The following HHIPL1 variants were observed in gnomAD, a reference collection of about 807,000 sequenced individuals.
HHIPL1 encodes the protein HHIP-like protein 1.
HHIPL1 carries 43 observed loss-of-function variants against 61.8 expected under a neutral mutation model. The observed-to-expected ratio is 0.70, with a 90% CI of 0.55 to 0.90. HHIPL1 has a LOEUF of 0.90. HHIPL1 is among the 40% of genes least tolerant of loss of function. The probability of loss-of-function intolerance (pLI) is 0.00; values close to 1 mark genes in which losing one functional copy is unlikely to be tolerated. For missense variants in HHIPL1, 1,056 were observed against 1,157.7 expected, an observed-to-expected ratio of 0.91 and a Z score of 1.28; for synonymous variants, 482 against 515.8, an observed-to-expected ratio of 0.93 and a Z score of 0.89.
Position 99,660,127 on chromosome 14 carries a change from ACGC to A in HHIPL1, c.1376-151_1376-149del. On this transcript the variant is annotated intron_variant, in intron 4 of 8. Coordinates refer to ENST00000330710, the MANE Select transcript of HHIPL1 (RefSeq NM_001127258.3). This position sits in a 1 kb window ranked among gnomAD's most constrained non-coding sequence, Gnocchi z 4.9. ...CACCCCTGCAGACACGCTTTCCACC[ACGC>A]CAGCCCTGCTGTGGGCACGCCAGCC... Among the ~76,000 whole-genome samples the A allele has an allele frequency of 1.0e-5, 1 of 98,786 alleles. No homozygotes were observed. The highest frequency in any genetic ancestry group is 3.5e-5 in the African/African-American group (1 of 28,768). The allele number at this position is 98,786 out of a possible 152,430, so 64.8% of individuals were successfully genotyped here. A position where few individuals can be genotyped will look rare whatever the true frequency, so the allele number is the denominator to read the frequency against.
In HHIPL1 at chr14:99,680,384, T is replaced by G. The variant is rs1164968676; in HGVS notation, c.*4758T>G. The stretch of plus-strand genomic sequence containing the variant: ...GGTTGCTGGGTCCTGTCTCTCAGAG[T>G]TTTTGACTCAGTCTTGGTTGAGAAT... On this transcript the variant is annotated 3_prime_UTR_variant, in exon 9 of 9. Transcript: ENST00000330710. 6.6e-6 allele frequency: 1 copy of G among 152,182 alleles called. No homozygotes were observed. The highest frequency in any genetic ancestry group is 1.5e-5 in the Non-Finnish European group (1 of 68,048). 9.4% of individuals were successfully genotyped at this position (152,182 alleles called of 1,614,324 possible). A position where few individuals can be genotyped will look rare whatever the true frequency, so the allele number is the denominator to read the frequency against.
At chr14:99,655,415 A>G (rs773803804) in intron 2 of HHIPL1, among the ~76,000 whole-genome samples, 4 of 152,152 alleles carry the variant, frequency 2.6e-5, no homozygotes, top group Non-Finnish European at 4.4e-5. Flanking sequence ...TGAGGACAGG[A>G]GTTCGAGACC....
the HHIPL1 span, among the ~76,000 whole-genome samples, chr14:99,636,480 A>G: frequency 1.3e-5 from 2 of 152,142 alleles, no homozygotes; most frequent in Non-Finnish European, 2.9e-5. Context: ...TTAATTTTAA[A>G]ATAGATGTTT....
intron 3 of HHIPL1, among the ~76,000 whole-genome samples, chr14:99,658,550 A>C (rs1465630883): frequency 6.6e-6 from 1 of 152,216 alleles, no homozygotes; most frequent in African/African-American, 2.4e-5. Flanking sequence ...CCTGCCTTGA[A>C]AAGCAACCCA....
At chr14:99,626,265 G>A in the HHIPL1 span, among the ~76,000 whole-genome samples, 22 of 147,190 alleles carry the variant, frequency 1.5e-4, no homozygotes, top group South Asian at 1.7e-3. Context: ...TGGGTGTAGC[G>A]GGGTGTGTGT....
chr14:99,641,335 GTTTT>G (rs1351549391), upstream of HHIPL1, among the ~76,000 whole-genome samples: 2 of 151,468 alleles, frequency 1.3e-5, no homozygotes, highest in African/African-American at 2.4e-5. Context: ...AGGTTGATGG[GTTTT>G]TTATTTCTAT....
chr14:99,667,014 A>C lies in HHIPL1; in HGVS notation c.1649-1208A>C, dbSNP rs529907662. ...CCCCCATGCAGCCCTCCCTGACTGC[A>C]CCTGTCCCCAGGGATATGCTTTCCT... is the stretch of plus-strand genomic sequence containing the variant. On this transcript the variant is annotated intron_variant, in intron 6 of 8. Coordinates refer to ENST00000330710, the MANE Select transcript of HHIPL1 (RefSeq NM_001127258.3). 1.8e-4 allele frequency among the ~76,000 whole-genome samples: 27 copies of C among 152,146 alleles called. 2 individuals are homozygous for C. The South Asian group carries it at 5.6e-3, about 32-fold the overall frequency.
chr14:99,637,046 AGAAG>A, the HHIPL1 span, among the ~76,000 whole-genome samples: 424 of 92,358 alleles, frequency 4.6e-3, 11 homozygotes, highest in Middle Eastern at 0.015. Flanking sequence ...AAAGAAAGAA[AGAAG>A]GAAGGAAGGA....
chr14:99,656,858 AGG>A (rs770087411), intron 2 of HHIPL1, 140 bp from the exon 3 acceptor site: 11,078 of 40,782 alleles, frequency 0.27, 2,832 homozygotes, highest in South Asian at 0.33. Context: ...GAAGGAAGGA[AGG>A]AAGGAAGGAA....
At chr14:99,648,105 T>C (rs2055870297) in intron 1 of HHIPL1, among the ~76,000 whole-genome samples, 1 of 152,112 alleles carries the variant, frequency 6.6e-6, no homozygotes, top group African/African-American at 2.4e-5. Context: ...CCAAAAACAG[T>C]TGGCAAGTCA....
the HHIPL1 span, among the ~76,000 whole-genome samples, chr14:99,634,344 GTC>G: frequency 4.0e-5 from 6 of 150,098 alleles, no homozygotes; most frequent in East Asian, 3.9e-4. Context: ...AGATGAGGAA[GTC>G]CCCCGTGACG....
chr14:99,656,793 AAG>A (rs2056037836), intron 2 of HHIPL1, among the ~76,000 whole-genome samples: 5 of 2,298 alleles, frequency 2.2e-3, no homozygotes, highest in African/African-American at 2.7e-3. Context: ...AAAGAAAAGA[AAG>A]AAAGAAAGAA....
At chr14:99,622,777 T>G in the HHIPL1 span, among the ~76,000 whole-genome samples, 3 of 152,212 alleles carry the variant, frequency 2.0e-5, no homozygotes, top group Admixed American at 1.3e-4. Flanking sequence ...TGGCCAGGCT[T>G]GGGCAAATGG....
chr14:99,651,267 G>A lies in HHIPL1; in HGVS notation c.256-957G>A, dbSNP rs572649355. Among the ~76,000 whole-genome samples, 6 of 147,194 alleles carry A rather than the reference G, an allele frequency of 4.1e-5. No individual in the cohort carries two copies. In the South Asian group the frequency reaches 6.6e-4, roughly 16 times the overall value. ...GAGACCCTGTCTCAAAAAAACTAACGGACAAACACAAAACAAAACAAAACA... is the reference window on the plus strand; with the variant it reads ...GAGACCCTGTCTCAAAAAAACTAACAGACAAACACAAAACAAAACAAAACA... On this transcript the variant is annotated intron_variant, in intron 1 of 8. Transcript: ENST00000330710.
At chr14:99,634,161 A>T in the HHIPL1 span, among the ~76,000 whole-genome samples, 1 of 152,090 alleles carries the variant, frequency 6.6e-6, no homozygotes, top group East Asian at 1.9e-4. Flanking sequence ...GTGTGTAGAC[A>T]TGTCTCCCTC....
the HHIPL1 span, among the ~76,000 whole-genome samples, chr14:99,617,157 CAT>C: frequency 2.0e-4 from 31 of 152,194 alleles, no homozygotes; most frequent in African/African-American, 7.2e-4. Flanking sequence ...AGAAGAGACA[CAT>C]AATACCTTGC....
At chr14:99,612,903 C>A in the HHIPL1 span, among the ~76,000 whole-genome samples, 1 of 152,194 alleles carries the variant, frequency 6.6e-6, no homozygotes, top group Non-Finnish European at 1.5e-5. Context: ...CCTCACAAAG[C>A]CGCCCCACCT....
Position 99,645,442 on chromosome 14 carries a change from G to T in HHIPL1, c.235G>T (p.Ala79Ser). The T allele has an allele frequency of 7.4e-7, 1 of 1,350,734 alleles. No individual in the cohort carries two copies. 83.7% of individuals were successfully genotyped at this position (1,350,734 alleles called of 1,614,324 possible). The change falls in exon 1 of 9, where the codon GCG becomes TCG. Residue 79 changes from alanine to serine, a missense_variant. By Grantham distance (99) the Ala-to-Ser change is moderately conservative. Transcript: ENST00000330710. ...CGAGTGGGCCGCGTGCGCCGGCTACGCGAGGGACCTGCTGTGCCAGGTGAG... is the reference window on the plus strand; with the variant it reads ...CGAGTGGGCCGCGTGCGCCGGCTACTCGAGGGACCTGCTGTGCCAGGTGAG... ...AAEWAACAGY[A>S]RDLLCQECSP...
chr14:99,618,608 C>T, the HHIPL1 span, among the ~76,000 whole-genome samples: 1 of 152,256 alleles, frequency 6.6e-6, no homozygotes, highest in Admixed American at 6.5e-5. Flanking sequence ...GCTCTGGGCT[C>T]ACCCACCCAG....
Sources: gnomAD v4.1 joint callset for allele counts (sites outside exome capture counted in the v4.1 genomes callset) on GRCh38, gnomAD v4.1.1 for gene constraint, Gnocchi (gnomAD v3.1) non-coding constraint, MANE v1.5 for transcripts, NCBI Gene and HGNC (gene_info 2026-07-23, HGNC 2026-07-21) for gene names.